DLG2: variants seen among roughly 807,000 people sequenced by gnomAD.
DLG2 encodes the protein discs large MAGUK scaffold protein 2, also known as disks large homolog 2.
DLG2 carries 45 observed loss-of-function variants against 132.5 expected under a neutral mutation model. The ratio of observed to expected loss-of-function variants is 0.34; its 90% CI spans 0.27 to 0.44. The LOEUF (loss-of-function observed/expected upper bound fraction) is 0.44. Among genes scored for constraint, DLG2 ranks in the 20% least tolerant of loss-of-function variants. The pLI is 1.00. For missense variants in DLG2, 1,045 were observed against 1,196.9 expected (o/e 0.87, Z 1.87); for synonymous variants, 424 against 419.6 (o/e 1.01, Z -0.13).
At chr11:84,387,023 A>T (rs1417026264) in intron 7 of DLG2, among the ~76,000 whole-genome samples, 1 of 151,916 alleles carries the variant, frequency 6.6e-6, no homozygotes, top group African/African-American at 2.4e-5. Context: ...CTTTTATTTA[A>T]ATTGATTACT....
chr11:83,757,554 G>T (rs1593776423), intron 18 of DLG2, among the ~76,000 whole-genome samples: 2 of 152,166 alleles, frequency 1.3e-5, no homozygotes, highest in African/African-American at 4.8e-5. Context: ...TTTAAATAGA[G>T]GCTGAGATGA....
chr11:84,421,906 C>T (rs566013896), intron 7 of DLG2, among the ~76,000 whole-genome samples: 2 of 152,298 alleles, frequency 1.3e-5, no homozygotes, highest in Admixed American at 6.5e-5. Context: ...TAAGTATTTT[C>T]GAGCATCATC....
intron 21 of DLG2, among the ~76,000 whole-genome samples, chr11:83,526,374 C>A (rs2095610522): frequency 6.6e-6 from 1 of 152,164 alleles, no homozygotes. Context: ...CCAACCTTTC[C>A]TTCCCACAGC....
At chr11:85,334,039 C>T (rs2081961858) in intron 3 of DLG2, among the ~76,000 whole-genome samples, 1 of 152,124 alleles carries the variant, frequency 6.6e-6, no homozygotes, top group South Asian at 2.1e-4. Flanking sequence ...TGGTAGAATT[C>T]AGCTGTGAAT....
At chr11:85,428,454 G>T (rs1299859218) in intron 3 of DLG2, among the ~76,000 whole-genome samples, 1 of 152,116 alleles carries the variant, frequency 6.6e-6, no homozygotes, top group East Asian at 1.9e-4. Context: ...AATCAAACTA[G>T]AACTCAGGAT....
chr11:84,373,531 T>C (rs559315411), intron 7 of DLG2, among the ~76,000 whole-genome samples: 2 of 151,568 alleles, frequency 1.3e-5, no homozygotes, highest in Non-Finnish European at 2.9e-5. Context: ...GATTGTGCCA[T>C]TGCACTCCAG....
intron 11 of DLG2, among the ~76,000 whole-genome samples, chr11:84,028,821 T>C (rs1593419887): frequency 1.3e-5 from 2 of 152,130 alleles, no homozygotes; most frequent in African/African-American, 4.8e-5. Context: ...TTATGTCTCT[T>C]CTATGACACT....
At chr11:84,022,035 C>A (rs1396883706) in intron 11 of DLG2, among the ~76,000 whole-genome samples, 1 of 152,114 alleles carries the variant, frequency 6.6e-6, no homozygotes, top group Non-Finnish European at 1.5e-5. Context: ...GTGTGAGTCA[C>A]CCCACCTGGA....
chr11:83,642,894 A>AT (rs1053249817), intron 18 of DLG2, among the ~76,000 whole-genome samples: 17 of 152,100 alleles, frequency 1.1e-4, no homozygotes, highest in African/African-American at 4.1e-4. Flanking sequence ...ACCTGATCAG[A>AT]TTTTTTGAAA....
intron 6 of DLG2, among the ~76,000 whole-genome samples, chr11:85,033,321 G>T (rs1317546678): frequency 6.8e-6 from 1 of 147,448 alleles, no homozygotes; most frequent in Non-Finnish European, 1.5e-5. Context: ...CCTAGTCAGG[G>T]ACTTGTGCCC....
intron 8 of DLG2, among the ~76,000 whole-genome samples, chr11:84,225,106 G>A (rs1189559653): frequency 6.6e-6 from 1 of 152,100 alleles, no homozygotes; most frequent in Non-Finnish European, 1.5e-5. Flanking sequence ...ACAAATCTAA[G>A]GCCTTCTTGA....
chr11:84,469,515 G>A (rs918508706), intron 7 of DLG2, among the ~76,000 whole-genome samples: 2 of 151,628 alleles, frequency 1.3e-5, no homozygotes, highest in Non-Finnish European at 3.0e-5. Flanking sequence ...AATCCTTGCA[G>A]TAGACATTTG....
chr11:84,112,347 T>TAC (rs1566554282), intron 9 of DLG2, among the ~76,000 whole-genome samples: 1,919 of 126,634 alleles, frequency 0.015, 42 homozygotes, highest in African/African-American at 0.054. Flanking sequence ...TTTTTTTTTT[T>TAC]ACCACTTTTA....
chr11:84,080,946 C>A (rs1348097912), intron 10 of DLG2, among the ~76,000 whole-genome samples: 1 of 150,012 alleles, frequency 6.7e-6, no homozygotes, highest in African/African-American at 2.5e-5. Flanking sequence ...GAGCCGAGAT[C>A]GCACCATTGC....
intron 6 of DLG2, among the ~76,000 whole-genome samples, chr11:84,553,074 T>G (rs1019023281): frequency 6.6e-6 from 1 of 152,190 alleles, no homozygotes; most frequent in Non-Finnish European, 1.5e-5. Flanking sequence ...TTTCCTTCTG[T>G]CTTGAAATGA....
intron 6 of DLG2, among the ~76,000 whole-genome samples, chr11:84,954,849 G>A (rs945044356): frequency 3.3e-5 from 5 of 152,054 alleles, no homozygotes; most frequent in African/African-American, 1.2e-4. Context: ...GCTAGGCACC[G>A]TGCTAAGCCT....
At chr11:85,498,876 T>C (rs1367713501) in intron 3 of DLG2, among the ~76,000 whole-genome samples, 1 of 152,166 alleles carries the variant, frequency 6.6e-6, no homozygotes, top group Non-Finnish European at 1.5e-5. Context: ...GAAATAAAGA[T>C]GGTCTTTGAA....
intron 14 of DLG2, among the ~76,000 whole-genome samples, chr11:83,958,280 G>A (rs2087459716): frequency 6.6e-6 from 1 of 152,182 alleles, no homozygotes; most frequent in Non-Finnish European, 1.5e-5. Context: ...GATTATGTCT[G>A]TTCAGTAAGT....
At chr11:85,132,678 T>C in intron 5 of DLG2, 2 of 455,368 alleles carry the variant, frequency 4.4e-6, no homozygotes, top group Non-Finnish European at 8.8e-6. Context: ...TCTCATGAAC[T>C]GGCAGCACCT....
Sources: gnomAD v4.1 joint callset for allele counts (sites outside exome capture counted in the v4.1 genomes callset) on GRCh38, gnomAD v4.1.1 for gene constraint, MANE v1.5 for transcripts, NCBI Gene and HGNC (gene_info 2026-07-23, HGNC 2026-07-21) for gene names.